Variants in PTPRQ observed in about 807,000 individuals in gnomAD.
PTPRQ encodes the protein protein tyrosine phosphatase receptor type Q.
A neutral mutation model predicts 246.0 loss-of-function variants in PTPRQ; 199 were observed. That is an observed-to-expected ratio of 0.81 (90% CI 0.72 to 0.91). PTPRQ has a LOEUF of 0.91. Ranked by LOEUF, PTPRQ falls within the 40% of genes least tolerant of loss-of-function variation. The pLI is 0.00. For synonymous variants in PTPRQ, 869 were observed against 853.2 expected, an observed-to-expected ratio of 1.02 and a Z score of -0.32; for missense variants, 2,624 against 2,528.4, an observed-to-expected ratio of 1.04 and a Z score of -0.81.
At chr12:80,656,019 A>G (rs533305646) in intron 38 of PTPRQ, among the ~76,000 whole-genome samples, 1 of 152,328 alleles carries the variant, frequency 6.6e-6, no homozygotes, top group Non-Finnish European at 1.5e-5. Context: ...AGAAAAGTTT[A>G]GCTTGTAGTT....
rs4616108 is a variant in PTPRQ, at chr12:80,494,791, C to T, written c.1541-142C>T. 0.89 allele frequency: 647,960 copies of T among 730,716 alleles called. 291,267 individuals are homozygous for T. Among genetic ancestry groups the T allele is most frequent in the Non-Finnish European group, 0.93 (464,344 of 498,638 alleles). The allele number at this position is 730,716 out of a possible 1,614,324, so 45.3% of individuals were successfully genotyped here. A position where few individuals can be genotyped will look rare whatever the true frequency, so the allele number is the denominator to read the frequency against. On this transcript the variant is annotated intron_variant, in intron 10 of 44. Coordinates refer to ENST00000644991, the MANE Select transcript of PTPRQ (RefSeq NM_001145026.2). ...TTTTTATGTTTACTATTATTACACA[C>T]CTAACTTTAATAGAGGTGTGCATGG...
intron 25 of PTPRQ, among the ~76,000 whole-genome samples, chr12:80,565,493 ATT>A (rs1233238165): frequency 6.6e-6 from 1 of 151,442 alleles, no homozygotes; most frequent in African/African-American, 2.4e-5. Context: ...CTCCTCCCCT[ATT>A]TTTTTTCTTA....
At chr12:80,553,822 C>T (rs1295515236) in intron 25 of PTPRQ, among the ~76,000 whole-genome samples, 1 of 152,106 alleles carries the variant, frequency 6.6e-6, no homozygotes, top group Non-Finnish European at 1.5e-5. Flanking sequence ...AATAATACAG[C>T]AAGTCCATGT....
In PTPRQ at chr12:80,445,734, T is replaced by C. The variant is rs1892534260; in HGVS notation, c.390+17T>C. 1 of 1,433,338 alleles carries C rather than the reference T, an allele frequency of 7.0e-7. No homozygotes were observed. The highest frequency in any genetic ancestry group is 2.0e-5 in the Admixed American group (1 of 50,764). 88.8% of individuals were successfully genotyped at this position (1,433,338 alleles called of 1,614,324 possible). Reference sequence around the variant, plus strand: ...GAAATTAAGGTAATTATTTTGTGTATGACTACTTAGTGTTCAAACATTTCA... The same window carrying C: ...GAAATTAAGGTAATTATTTTGTGTACGACTACTTAGTGTTCAAACATTTCA... On this transcript the variant is annotated intron_variant, in intron 3 of 44. Coordinates refer to ENST00000644991, the MANE Select transcript of PTPRQ (RefSeq NM_001145026.2).
intron 26 of PTPRQ, among the ~76,000 whole-genome samples, chr12:80,597,394 CTGT>C (rs1970213113): frequency 6.6e-6 from 1 of 151,920 alleles, no homozygotes; most frequent in Admixed American, 6.6e-5. Context: ...ACACGCTGAC[CTGT>C]TGTTCTAAAA....
intron 14 of PTPRQ, among the ~76,000 whole-genome samples, chr12:80,498,273 G>A (rs115157870): frequency 6.7e-4 from 102 of 152,086 alleles, no homozygotes; most frequent in African/African-American, 2.4e-3. Context: ...TAAGGGTCAC[G>A]GGCCCTGTTG....
chr12:80,482,185 C>G (rs1488756366), intron 8 of PTPRQ, among the ~76,000 whole-genome samples: 2 of 150,668 alleles, frequency 1.3e-5, no homozygotes, highest in Non-Finnish European at 3.0e-5. Context: ...AGATATAGAT[C>G]AATGGAACAG....
At chr12:80,574,078 GT>G (rs555468553) in intron 25 of PTPRQ, among the ~76,000 whole-genome samples, 21 of 152,074 alleles carry the variant, frequency 1.4e-4, no homozygotes, top group African/African-American at 5.1e-4. Context: ...TAAAAAAAAA[GT>G]TTTTACCAAA....
intron 10 of PTPRQ, 63 bp from the exon 11 acceptor site, chr12:80,494,870 A>G (rs1894560822): frequency 6.8e-7 from 1 of 1,471,680 alleles, no homozygotes; most frequent in Admixed American, 2.8e-5. Flanking sequence ...TCTAAGAAAA[A>G]AATAATTTTG....
intron 36 of PTPRQ, 113 bp from the exon 37 acceptor site, chr12:80,649,475 A>AT (rs2121223286): frequency 1.5e-6 from 2 of 1,344,380 alleles, no homozygotes; most frequent in South Asian, 2.0e-5. Flanking sequence ...GTTGTTTGTG[A>AT]TTTTGGGGAT....
intron 34 of PTPRQ, among the ~76,000 whole-genome samples, chr12:80,632,543 G>A (rs1030774138): frequency 2.6e-5 from 4 of 152,160 alleles, no homozygotes; most frequent in Non-Finnish European, 4.4e-5. Flanking sequence ...GTAAAGAATT[G>A]TTAACTAGCA....
intron 17 of PTPRQ, among the ~76,000 whole-genome samples, chr12:80,522,183 G>C (rs1400279999): frequency 1.3e-5 from 2 of 152,146 alleles, no homozygotes; most frequent in Non-Finnish European, 2.9e-5. Context: ...TGGTATATAA[G>C]AATGCTTGTG....
At chr12:80,514,838 G>T (rs1373203059) in intron 17 of PTPRQ, among the ~76,000 whole-genome samples, 3 of 146,110 alleles carry the variant, frequency 2.1e-5, no homozygotes, top group African/African-American at 7.5e-5. Flanking sequence ...TGCTTTTTCA[G>T]ATAATGGATG....
intron 27 of PTPRQ, among the ~76,000 whole-genome samples, chr12:80,605,749 T>TA (rs1007853610): frequency 4.0e-5 from 6 of 150,536 alleles, no homozygotes; most frequent in African/African-American, 9.7e-5. Context: ...GCTATAGCAT[T>TA]AAAAAAAATA....
chr12:80,634,013 C>T (rs1352411199), intron 34 of PTPRQ, among the ~76,000 whole-genome samples: 1 of 152,178 alleles, frequency 6.6e-6, no homozygotes, highest in East Asian at 1.9e-4. Flanking sequence ...TGTGCTTCCT[C>T]CTCCTTCTCA....
At chr12:80,636,289 G>GA (rs1899645902) in intron 35 of PTPRQ, among the ~76,000 whole-genome samples, 1 of 152,094 alleles carries the variant, frequency 6.6e-6, no homozygotes, top group Non-Finnish European at 1.5e-5. Flanking sequence ...TTCTATATAA[G>GA]AAATATTATG....
intron 25 of PTPRQ, among the ~76,000 whole-genome samples, chr12:80,567,672 T>C (rs755217355): frequency 3.0e-4 from 45 of 152,360 alleles, no homozygotes; most frequent in Non-Finnish European, 6.0e-4. Flanking sequence ...CACATGAATA[T>C]ACTATTATTA....
intron 2 of PTPRQ, 25 bp downstream of exon 2, chr12:80,444,874 T>A: frequency 6.7e-7 from 1 of 1,492,866 alleles, no homozygotes; most frequent in Non-Finnish European, 9.0e-7. Flanking sequence ...TAAATTACTT[T>A]GTAAGTAAAG....
In PTPRQ at chr12:80,539,963, C is replaced by G; in HGVS notation, c.3154+19C>G. The G allele has an allele frequency of 4.2e-6, 6 of 1,437,610 alleles. No homozygotes were observed. The highest frequency in any genetic ancestry group is 5.5e-6 in the Non-Finnish European group (6 of 1,089,878). 89.1% of individuals were successfully genotyped at this position (1,437,610 alleles called of 1,614,324 possible). A position where few individuals can be genotyped will look rare whatever the true frequency, so the allele number is the denominator to read the frequency against. ...CAAGACAGTATGTAAACAAAAAACA[C>G]TAATCTTTAATATGATTAATTTAAA... On this transcript the variant is annotated intron_variant, in intron 20 of 44. Transcript: ENST00000644991.
Sources: gnomAD v4.1 joint callset for allele counts (sites outside exome capture counted in the v4.1 genomes callset) on GRCh38, gnomAD v4.1.1 for gene constraint, MANE v1.5 for transcripts, NCBI Gene and HGNC (gene_info 2026-07-23, HGNC 2026-07-21) for gene names.